ANGPTL1: variants seen among roughly 807,000 people sequenced by gnomAD.
The protein encoded by ANGPTL1 is angiopoietin like 1.
ANGPTL1 carries 36 observed loss-of-function variants against 46.7 expected under a neutral mutation model. The observed-to-expected ratio is 0.77, with a 90% CI of 0.59 to 1.02. The LOEUF is 1.02. ANGPTL1 is among the 50% of genes least tolerant of loss of function. The probability of loss-of-function intolerance (pLI) is 0.00; values close to 1 mark genes in which losing one functional copy is unlikely to be tolerated. For missense variants in ANGPTL1, 571 were observed against 594.7 expected (o/e 0.96, Z 0.41); for synonymous variants, 221 against 204.3 (o/e 1.08, Z -0.69).
intron 3 of ANGPTL1, among the ~76,000 whole-genome samples, chr1:178,856,232 T>TAC (rs1445416242): frequency 5.4e-5 from 7 of 130,430 alleles, no homozygotes; most frequent in African/African-American, 2.2e-4. Context: ...TATATATATA[T>TAC]ATGGTTTTGG....
chr1:178,863,979 C>T (rs1658212703), intron 3 of ANGPTL1, among the ~76,000 whole-genome samples: 1 of 152,168 alleles, frequency 6.6e-6, no homozygotes, highest in Admixed American at 6.5e-5. Flanking sequence ...AGTGAATGAG[C>T]TGCAATTTAT....
At chr1:178,853,526 T>C (rs1657321878) in intron 4 of ANGPTL1, 68 bp downstream of exon 4, 1 of 1,233,318 alleles carries the variant, frequency 8.1e-7, no homozygotes, top group African/African-American at 1.6e-5. Context: ...TTGCATAGCA[T>C]CTTGTTTCTT....
intron 4 of ANGPTL1, chr1:178,853,191 T>C: frequency 1.0e-6 from 1 of 985,392 alleles, no homozygotes; most frequent in Non-Finnish European, 1.2e-6. Context: ...CTTCAAATCC[T>C]ACAAATAAGA....
At position 178,865,406 on chromosome 1, in the gene ANGPTL1, C is replaced by T. The variant is rs979372722; in HGVS notation, c.371G>A (p.Arg124His). The change falls in exon 3 of 6, where the codon CGT (arginine) becomes CAT (histidine). Residue 124 changes from arginine (R) to histidine (H), a missense_variant. Arg to His is a conservative substitution (Grantham distance 29). Coordinates refer to ENST00000234816, the MANE Select transcript of ANGPTL1 (RefSeq NM_004673.4). ...NEVKLLRKES[R>H]NMNSRVTQLY... ...TTGAGTAACACGAGAGTTCATGTTA[C>T]GGCTTTCCTTTCTCAGCAGCTTTAC... 11 of 1,613,814 alleles carry T rather than the reference C, an allele frequency of 6.8e-6. No homozygotes were observed. The highest frequency in any genetic ancestry group is 6.8e-6 in the Non-Finnish European group (8 of 1,179,970).
rs1377020253 is a variant in ANGPTL1 at position 178,870,966 on chromosome 1, C to T, written c.-362G>A. On this transcript the variant is annotated 5_prime_UTR_variant, in exon 1 of 6. Transcript: ENST00000234816. ...AATTTTAAGTAGTATAGTGGAAGTT[C>T]TGGTCTGTGGGCCGTCTTTAATCCA... is the stretch of plus-strand genomic sequence containing the variant. 2 of 152,092 alleles carry T rather than the reference C, an allele frequency of 1.3e-5. No homozygotes were observed. The highest frequency in any genetic ancestry group is 2.9e-5 in the Non-Finnish European group (2 of 68,032). The allele number at this position is 152,092 out of a possible 1,614,324, so 9.4% of individuals were successfully genotyped here.
chr1:178,856,909 G>A (rs1657623602), intron 3 of ANGPTL1, among the ~76,000 whole-genome samples: 2 of 152,122 alleles, frequency 1.3e-5, no homozygotes, highest in Non-Finnish European at 1.5e-5. Flanking sequence ...GTATTCAGCT[G>A]CAGTTACCTG....
At chr1:178,867,222 T>C (rs1277038422) in intron 2 of ANGPTL1, among the ~76,000 whole-genome samples, 2 of 152,146 alleles carry the variant, frequency 1.3e-5, no homozygotes, top group Non-Finnish European at 2.9e-5. Flanking sequence ...TTTAAGCCAT[T>C]TTCATGTTTT....
At position 178,850,439 on chromosome 1, in the gene ANGPTL1, G is replaced by A. The variant is rs1192442880; in HGVS notation, c.*690C>T. 2 of 152,064 alleles carry A rather than the reference G, an allele frequency of 1.3e-5. No homozygotes were observed. The highest frequency in any genetic ancestry group is 2.9e-5 in the Non-Finnish European group (2 of 67,988). The allele number at this position is 152,064 out of a possible 1,614,324, so 9.4% of individuals were successfully genotyped here. On this transcript the variant is annotated 3_prime_UTR_variant, in exon 6 of 6. Coordinates refer to ENST00000234816, the MANE Select transcript of ANGPTL1 (RefSeq NM_004673.4). ...CAGCATATCATATGAAGATAACACT[G>A]AAAAATTCATTCATAGATTTGTCTT...
chr1:178,852,549 G>T, intron 5 of ANGPTL1, 134 bp downstream of exon 5: 2 of 799,928 alleles, frequency 2.5e-6, no homozygotes, highest in Non-Finnish European at 3.8e-6. Flanking sequence ...CTTTCAGTAG[G>T]TTGGTTGTAT....
At chr1:178,862,798 G>A (rs369456128) in intron 3 of ANGPTL1, among the ~76,000 whole-genome samples, 1 of 152,048 alleles carries the variant, frequency 6.6e-6, no homozygotes, top group East Asian at 1.9e-4. Context: ...TCTTTAGGAG[G>A]ACATTATTCT....
intron 3 of ANGPTL1, among the ~76,000 whole-genome samples, chr1:178,854,790 A>G (rs1276577223): frequency 6.6e-6 from 1 of 152,120 alleles, no homozygotes; most frequent in Non-Finnish European, 1.5e-5. Flanking sequence ...AATTTTAGGT[A>G]TTCTCCATTT....
At position 178,853,662 on chromosome 1, in the gene ANGPTL1, C is replaced by A; in HGVS notation, c.949G>T (p.Gly317Cys). 6.2e-7 allele frequency: 1 copy of A among 1,612,494 alleles called. No individual in the cohort carries two copies. The highest frequency in any genetic ancestry group is 8.5e-7 in the Non-Finnish European group (1 of 1,179,264). ...LWCENSLDPG[G>C]WTVIQKRTDG... ...GTTCTTTTCTGAATAACAGTCCAAC[C>A]CCCAGGGTCCAAACTGTTTTCACAC... The change falls in exon 4 of 6, where the codon GGT becomes TGT. Residue 317 changes from glycine (G) to cysteine (C), a missense_variant. Physicochemically the swap from Gly to Cys is radical, Grantham distance 159 (BLOSUM62 -3). Coordinates refer to ENST00000234816, the MANE Select transcript of ANGPTL1 (RefSeq NM_004673.4).
In ANGPTL1 at chr1:178,865,056, T is replaced by C. The variant is rs1658294187; in HGVS notation, c.721A>G (p.Arg241Gly). 16 of 1,514,942 alleles carry C rather than the reference T, an allele frequency of 1.1e-5. No individual in the cohort carries two copies. The highest frequency in any genetic ancestry group is 1.4e-5 in the Non-Finnish European group (16 of 1,131,960). 93.8% of individuals were successfully genotyped at this position (1,514,942 alleles called of 1,614,324 possible). Residue 241 changes from arginine (R) to glycine (G), a missense_variant, in exon 3 of 6, where the codon AGG becomes GGG. Coordinates refer to ENST00000234816, the MANE Select transcript of ANGPTL1 (RefSeq NM_004673.4). ...PGLLGGNEIQRDPGYPRDLMP... is the reference protein window; with the variant it reads ...PGLLGGNEIQGDPGYPRDLMP... ...AAATCTCTGGGATAACCTGGATCCCTCTGAATCTCGTTACCTCCCAGCAGA... is the reference window on the plus strand; with the variant it reads ...AAATCTCTGGGATAACCTGGATCCCCCTGAATCTCGTTACCTCCCAGCAGA...
In ANGPTL1 at chr1:178,851,278, T is replaced by C. The variant is rs764902710; in HGVS notation, c.1327A>G (p.Asn443Asp). ...AHFHKGGWWYNACAHSNLNGV... is the reference protein window; with the variant it reads ...AHFHKGGWWYDACAHSNLNGV... Reference sequence around the variant, plus strand: ...TTTAGGTTAGAATGTGCACAGGCATTGTACCACCAGCCTCCTTTATGAAAG... The same window carrying C: ...TTTAGGTTAGAATGTGCACAGGCATCGTACCACCAGCCTCCTTTATGAAAG... The change falls in exon 6 of 6, where the codon AAT (asparagine) becomes GAT (aspartate). Residue 443 changes from asparagine to aspartate, a missense_variant. By Grantham distance (23) the Asn-to-Asp change is conservative. Coordinates refer to ENST00000234816, the MANE Select transcript of ANGPTL1 (RefSeq NM_004673.4). 4.3e-6 allele frequency: 7 copies of C among 1,613,110 alleles called. No homozygotes were observed. The East Asian group carries it at 1.3e-4, about 31-fold the overall frequency.
At position 178,865,432 on chromosome 1, in the gene ANGPTL1, C is replaced by A. The variant is rs1461083217; in HGVS notation, c.345G>T (p.Glu115Asp). The A allele has an allele frequency of 6.2e-7, 1 of 1,614,006 alleles. No individual in the cohort carries two copies. Among genetic ancestry groups the A allele is most frequent in the South Asian group, 1.1e-5 (1 of 91,080 alleles). The change falls in exon 3 of 6, where the codon GAG (glutamate) becomes GAT (aspartate). Residue 115 changes from glutamate (E) to aspartate (D), a missense_variant. Coordinates refer to ENST00000234816, the MANE Select transcript of ANGPTL1 (RefSeq NM_004673.4). ...GGCTTTCCTTTCTCAGCAGCTTTAC[C>A]TCATTCACAATGTTTCCATCTACAT... is the stretch of plus-strand genomic sequence containing the variant. ...VVDVDGNIVN[E>D]VKLLRKESRN...
Position 178,869,242 on chromosome 1 carries a change from G to A in ANGPTL1, c.-136-19C>T, listed in dbSNP as rs1038580681. 1.3e-5 allele frequency: 2 copies of A among 152,028 alleles called. No homozygotes were observed. Among genetic ancestry groups the A allele is most frequent in the Non-Finnish European group, 2.9e-5 (2 of 67,938 alleles). 9.4% of individuals were successfully genotyped at this position (152,028 alleles called of 1,614,324 possible). A position where few individuals can be genotyped will look rare whatever the true frequency, so the allele number is the denominator to read the frequency against. ...TTGCCAGCTAGTAGAGAGAAGAAAC[G>A]AAAGTCAGGATTTGCCTCCTTTCAG... On this transcript the variant is annotated intron_variant, in intron 1 of 5. Coordinates refer to ENST00000234816, the MANE Select transcript of ANGPTL1 (RefSeq NM_004673.4).
chr1:178,870,214 G>T (rs920140600), intron 1 of ANGPTL1, among the ~76,000 whole-genome samples: 9 of 152,048 alleles, frequency 5.9e-5, no homozygotes, highest in Non-Finnish European at 1.2e-4. Flanking sequence ...TTAATATTTG[G>T]TTATACTGTA....
At chr1:178,863,503 A>G (rs1658173155) in intron 3 of ANGPTL1, among the ~76,000 whole-genome samples, 1 of 152,240 alleles carries the variant, frequency 6.6e-6, no homozygotes, top group Non-Finnish European at 1.5e-5. Flanking sequence ...TCATAACATC[A>G]GAGGTATTAT....
In ANGPTL1 at chr1:178,850,083, A is replaced by G. The variant is rs1225706965; in HGVS notation, c.*1046T>C. 6.5e-6 allele frequency: 1 copy of G among 152,682 alleles called. No homozygotes were observed. Among genetic ancestry groups the G allele is most frequent in the East Asian group, 1.9e-4 (1 of 5,200 alleles). 9.5% of individuals were successfully genotyped at this position (152,682 alleles called of 1,614,324 possible). On this transcript the variant is annotated 3_prime_UTR_variant, in exon 6 of 6. Transcript: ENST00000234816. ...CTGTAAAATGAAATTAGCAGTTTGG[A>G]CTAAGCTATGCCCCTGTGGCTTCTG...
Sources: gnomAD v4.1 joint callset for allele counts (sites outside exome capture counted in the v4.1 genomes callset) on GRCh38, gnomAD v4.1.1 for gene constraint, MANE v1.5 for transcripts, NCBI Gene and HGNC (gene_info 2026-07-23, HGNC 2026-07-21) for gene names.